Variants in ZNF500 observed in about 807,000 individuals in gnomAD.
ZNF500 encodes zinc finger protein with KRAB and SCAN domains 18.
A neutral mutation model predicts 30.1 loss-of-function variants in ZNF500; 31 were observed. The ratio of observed to expected loss-of-function variants is 1.03; its 90% CI spans 0.77 to 1.39. The LOEUF (loss-of-function observed/expected upper bound fraction) is 1.39, where lower values mean the gene tolerates loss of function less well. ZNF500 is among the 40% of genes most tolerant of loss of function. ZNF500 has a pLI of 0.00. For synonymous variants in ZNF500, 392 were observed against 282.0 expected, an observed-to-expected ratio of 1.39 and a Z score of -3.91; for missense variants, 817 against 657.8, an observed-to-expected ratio of 1.24 and a Z score of -2.65.
intron 5 of ZNF500, among the ~76,000 whole-genome samples, chr16:4,759,372 C>T (rs1336619555): frequency 6.8e-6 from 1 of 148,142 alleles, no homozygotes; most frequent in African/African-American, 2.5e-5. Flanking sequence ...ACCACATATG[C>T]TCCAGCCATC....
Position 4,763,544 on chromosome 16 carries a change from C to T in ZNF500, c.415-788G>A, listed in dbSNP as rs1051035484. The T allele has an allele frequency of 8.1e-6, 8 of 985,264 alleles. No homozygotes were observed. In the African/African-American group the frequency reaches 1.4e-4, roughly 17 times the overall value. 61.0% of individuals were successfully genotyped at this position (985,264 alleles called of 1,614,324 possible). ...CAATAGCACTTGGACAAGAGACATCCCTAGGCAACTACAAACCCAGCGTCA... is the reference window on the plus strand; with the variant it reads ...CAATAGCACTTGGACAAGAGACATCTCTAGGCAACTACAAACCCAGCGTCA... On this transcript the variant is annotated intron_variant, in intron 2 of 5. Transcript: ENST00000219478.
At position 4,765,631 on chromosome 16, in the gene ZNF500, C is replaced by T. The variant is rs2082256321; in HGVS notation, c.348G>A (p.Glu116=). 6.2e-7 allele frequency: 1 copy of T among 1,613,518 alleles called. No individual in the cohort carries two copies. ...CAAGGACCACGGCCTCCTCACCGCT[C>T]TCCGGCTGCTGCTCGCGTACCCGAG... ...IQARVREQQP[E]SGEEAVVLVE... The change falls in exon 2 of 6, where the codon GAG becomes GAA. Residue 116 remains glutamate, a synonymous_variant. Coordinates refer to ENST00000219478, the MANE Select transcript of ZNF500 (RefSeq NM_021646.4).
intron 2 of ZNF500, among the ~76,000 whole-genome samples, chr16:4,765,082 C>G (rs1464867523): frequency 1.3e-5 from 2 of 152,144 alleles, no homozygotes; most frequent in Non-Finnish European, 2.9e-5. Flanking sequence ...GGGAGGATCA[C>G]TTGAGGCCAG....
At chr16:4,758,536 G>A (rs2082162879) in intron 5 of ZNF500, 1 of 152,266 alleles carries the variant, frequency 6.6e-6, no homozygotes, top group Non-Finnish European at 1.5e-5. Context: ...TGCAGGTGGT[G>A]TCCATGGGAC....
chr16:4,746,948 CAGTG>C (rs760262877), downstream of ZNF500: 1 of 1,562,554 alleles, frequency 6.4e-7, no homozygotes, highest in Non-Finnish European at 8.6e-7. Context: ...GCTCCTCTGA[CAGTG>C]AGGAGGAGGA....
Position 4,752,418 on chromosome 16 carries a change from C to G in ZNF500, c.1401G>C (p.Thr467=). The G allele has an allele frequency of 6.6e-7, 1 of 1,526,022 alleles. No homozygotes were observed. The highest frequency in any genetic ancestry group is 8.8e-7 in the Non-Finnish European group (1 of 1,140,372). The allele number at this position is 1,526,022 out of a possible 1,614,324, so 94.5% of individuals were successfully genotyped here. The change falls in exon 6 of 6, where the codon ACG becomes ACC. Residue 467 remains threonine (T), a synonymous_variant. Transcript: ENST00000219478. The part of the protein sequence containing the change: ...RTHMGAGSLP[T]LQPVAPGGPG... Reference sequence around the variant, plus strand: ...GGCCTCCAGGAGCCACCGGCTGGAGCGTCGGCAAGGAGCCTGCCCCCATGT... The same window carrying G: ...GGCCTCCAGGAGCCACCGGCTGGAGGGTCGGCAAGGAGCCTGCCCCCATGT...
intron 5 of ZNF500, 136 bp downstream of exon 5, chr16:4,760,356 G>A: frequency 1.4e-6 from 1 of 737,088 alleles, no homozygotes; most frequent in Admixed American, 2.6e-5. Flanking sequence ...GTGGGACTCT[G>A]CAGGGATACG....
chr16:4,764,109 G>A, intron 2 of ZNF500: 2 of 985,360 alleles, frequency 2.0e-6, no homozygotes, highest in Non-Finnish European at 2.4e-6. Flanking sequence ...GAGAGGCACT[G>A]TCTATAGAGA....
At chr16:4,753,878 C>T (rs1295702206) in intron 5 of ZNF500, among the ~76,000 whole-genome samples, 3 of 152,316 alleles carry the variant, frequency 2.0e-5, no homozygotes, top group East Asian at 3.9e-4. Flanking sequence ...GCAGAGCAGT[C>T]GTGGCTCCCA....
downstream of ZNF500, chr16:4,744,813 G>GT (rs2081992585): frequency 2.6e-6 from 4 of 1,563,390 alleles, no homozygotes; most frequent in South Asian, 1.1e-5. Flanking sequence ...TCCAGCTGCT[G>GT]TAAGTCACAA....
rs187999157 is a variant in ZNF500, at chr16:4,764,253, C to G, written c.414+1312G>C. The G allele has an allele frequency of 1.7e-5, 4 of 237,722 alleles. No individual in the cohort carries two copies. The East Asian group carries it at 5.4e-4, about 32-fold the overall frequency. The allele number at this position is 237,722 out of a possible 1,614,324, so 14.7% of individuals were successfully genotyped here. A position where few individuals can be genotyped will look rare whatever the true frequency, so the allele number is the denominator to read the frequency against. On this transcript the variant is annotated intron_variant, in intron 2 of 5. Coordinates refer to ENST00000219478, the MANE Select transcript of ZNF500 (RefSeq NM_021646.4). ...TAACATTCTACACAGTGGCCGGGCA[C>G]AGTGGCTCATGCCTGTAATCCCAGC...
At chr16:4,754,177 AC>A (rs1277208411) in intron 5 of ZNF500, among the ~76,000 whole-genome samples, 30 of 152,286 alleles carry the variant, frequency 2.0e-4, no homozygotes, top group African/African-American at 7.0e-4. Context: ...TGGTAGGCAC[AC>A]GCCATGCTGA....
intron 2 of ZNF500, among the ~76,000 whole-genome samples, chr16:4,764,911 C>A (rs773052628): frequency 6.6e-6 from 1 of 152,110 alleles, no homozygotes; most frequent in Admixed American, 6.6e-5. Flanking sequence ...AACCAAAGTG[C>A]CCCCCATGCC....
chr16:4,746,767 C>A, downstream of ZNF500: 1 of 762,206 alleles, frequency 1.3e-6, no homozygotes, highest in East Asian at 2.8e-5. Flanking sequence ...GCATCACCCA[C>A]ACCTGTCCTC....
rs768623013 is a variant in ZNF500 at position 4,765,786 on chromosome 16, G to A, written c.193C>T (p.Arg65Trp). 24 of 1,612,862 alleles carry A rather than the reference G, an allele frequency of 1.5e-5. No individual in the cohort carries two copies. The highest frequency in any genetic ancestry group is 2.2e-5 in the East Asian group (1 of 44,876). Residue 65 changes from arginine to tryptophan, a missense_variant, in exon 2 of 6, where the codon CGG becomes TGG. Arg to Trp is a moderately radical substitution (Grantham distance 101). Coordinates refer to ENST00000219478, the MANE Select transcript of ZNF500 (RefSeq NM_021646.4). The stretch of plus-strand genomic sequence containing the variant: ...TCCCAGAGGCGGCTCAGGGCCTCCC[G>A]GGGCCCAGCCACCTCCTGGTAGCAG... ...LFCYQEVAGP[R>W]EALSRLWELC...
At chr16:4,757,167 T>C (rs539357378) in intron 5 of ZNF500, among the ~76,000 whole-genome samples, 46 of 152,312 alleles carry the variant, frequency 3.0e-4, no homozygotes, top group Non-Finnish European at 7.3e-5. Context: ...AATTTTATGT[T>C]ATGTGAATTT....
chr16:4,754,449 C>A (rs778937358), intron 5 of ZNF500, among the ~76,000 whole-genome samples: 6 of 151,996 alleles, frequency 3.9e-5, no homozygotes, highest in Non-Finnish European at 7.4e-5. Context: ...CACTTGAGGT[C>A]AGGAGTTTGA....
downstream of ZNF500, chr16:4,744,898 G>C (rs769414720): frequency 6.2e-7 from 1 of 1,613,782 alleles, no homozygotes; most frequent in South Asian, 1.1e-5. Context: ...CCCACAACAG[G>C]CTCATGGAAC....
chr16:4,747,078 G>C (rs112991899), downstream of ZNF500: 1,863 of 1,468,320 alleles, frequency 1.3e-3, 27 homozygotes, highest in African/African-American at 0.024. Flanking sequence ...TCTGCTTTCT[G>C]CAGCAAGCCC....
Sources: allele counts gnomAD v4.1 joint callset (sites outside exome capture counted in the v4.1 genomes callset), GRCh38; gene constraint gnomAD v4.1.1; transcripts MANE v1.5; gene names NCBI Gene and HGNC (gene_info 2026-07-23, HGNC 2026-07-21).